Variants in DSTN observed in about 807,000 individuals in gnomAD.
The protein encoded by DSTN is destrin, actin depolymerizing factor, also known as destrin.
A neutral mutation model predicts 16.8 loss-of-function variants in DSTN; 10 were observed. That is an observed-to-expected ratio of 0.60 (90% CI 0.37 to 1.01). DSTN has a LOEUF of 1.01. Ranked by LOEUF, DSTN falls within the 50% of genes least tolerant of loss-of-function variation. DSTN has a pLI of 0.01. For missense variants in DSTN, 141 were observed against 196.7 expected (o/e 0.72, Z 1.69); for synonymous variants, 57 against 58.9 (o/e 0.97, Z 0.14).
chr20:17,572,165 CA>C (rs1235762593), intron 1 of DSTN, among the ~76,000 whole-genome samples: 45 of 152,300 alleles, frequency 3.0e-4, no homozygotes, highest in Non-Finnish European at 5.9e-5. Context: ...TCTAAATTAG[CA>C]GAATCACTTC....
At chr20:17,577,084 C>T (rs186174134) in intron 1 of DSTN, among the ~76,000 whole-genome samples, 2 of 152,132 alleles carry the variant, frequency 1.3e-5, no homozygotes, top group African/African-American at 2.4e-5. Flanking sequence ...AATTTTCAGG[C>T]TATGGGTATA....
intron 1 of DSTN, among the ~76,000 whole-genome samples, chr20:17,581,958 A>G (rs1383551142): frequency 6.6e-6 from 1 of 152,070 alleles, no homozygotes; most frequent in African/African-American, 2.4e-5. Context: ...CATTTAATAT[A>G]TATTCTCATT....
At chr20:17,601,100 G>A (rs2035582742) in intron 2 of DSTN, 55 bp downstream of exon 2, 3 of 1,517,780 alleles carry the variant, frequency 2.0e-6, no homozygotes, top group Non-Finnish European at 2.6e-6. Context: ...TAGCACTCGG[G>A]AAGACCAGTT....
Position 17,600,859 on chromosome 20 carries a change from C to G in DSTN, c.125C>G (p.Ala42Gly). The G allele has an allele frequency of 1.2e-6, 2 of 1,613,734 alleles. No individual in the cohort carries two copies. Among genetic ancestry groups the G allele is most frequent in the Non-Finnish European group, 1.7e-6 (2 of 1,179,792 alleles). The change falls in exon 2 of 4, where the codon GCA becomes GGA. Residue 42 changes from alanine to glycine, a missense_variant. Physicochemically the swap from Ala to Gly is moderately conservative, Grantham distance 60. Transcript: ENST00000246069. ...AAGGCTGTCATTTTTTGTCTCAGTG[C>G]AGACAAAAAGTGCATCATTGTAGAA... ...RKKAVIFCLS[A>G]DKKCIIVEEG...
intron 1 of DSTN, among the ~76,000 whole-genome samples, chr20:17,575,108 G>A (rs2035263858): frequency 6.6e-6 from 1 of 151,896 alleles, no homozygotes; most frequent in African/African-American, 2.4e-5. Flanking sequence ...GCCTCCCAAA[G>A]TGTTGGGATT....
At chr20:17,574,877 T>TTTTG (rs1180829302) in intron 1 of DSTN, among the ~76,000 whole-genome samples, 4 of 129,760 alleles carry the variant, frequency 3.1e-5, no homozygotes, top group Non-Finnish European at 6.5e-5. Context: ...TTTGTTTTTT[T>TTTTG]TTTTTTTTTT....
At chr20:17,577,759 C>T (rs1343768137) in intron 1 of DSTN, among the ~76,000 whole-genome samples, 2 of 151,882 alleles carry the variant, frequency 1.3e-5, no homozygotes, top group African/African-American at 4.8e-5. Flanking sequence ...TGTTTGAAAT[C>T]CAGTATATAT....
At chr20:17,605,954 A>G (rs987147097) in intron 3 of DSTN, among the ~76,000 whole-genome samples, 1 of 152,060 alleles carries the variant, frequency 6.6e-6, no homozygotes, top group East Asian at 1.9e-4. Context: ...AATACAAAAA[A>G]AAAATTAGCC....
chr20:17,574,829 C>CTTT (rs2035253100), intron 1 of DSTN, among the ~76,000 whole-genome samples: 1 of 133,998 alleles, frequency 7.5e-6, no homozygotes, highest in African/African-American at 2.8e-5. Flanking sequence ...CCTTTTTTTC[C>CTTT]TTTCTTTTTT....
intron 1 of DSTN, among the ~76,000 whole-genome samples, chr20:17,592,852 T>C (rs2035484651): frequency 6.6e-6 from 1 of 152,206 alleles, no homozygotes; most frequent in South Asian, 2.1e-4. Context: ...ACTTCCTCCT[T>C]AGTAATGCTG....
chr20:17,605,717 C>A (rs2122213154), intron 3 of DSTN, among the ~76,000 whole-genome samples: 1 of 152,292 alleles, frequency 6.6e-6, no homozygotes, highest in South Asian at 2.1e-4. Context: ...CCAGCCCAAC[C>A]AAAAGGTTCA....
chr20:17,594,878 G>A (rs916542440), intron 1 of DSTN, among the ~76,000 whole-genome samples: 1 of 152,144 alleles, frequency 6.6e-6, no homozygotes, highest in African/African-American at 2.4e-5. Flanking sequence ...GGTGGTGATA[G>A]CTACTGAGAA....
intron 1 of DSTN, among the ~76,000 whole-genome samples, chr20:17,570,703 A>G (rs2035192719): frequency 6.6e-6 from 1 of 152,194 alleles, no homozygotes; most frequent in Non-Finnish European, 1.5e-5. Context: ...CCATCTCAAT[A>G]AGGAAGATAA....
At chr20:17,589,541 G>C (rs960071058) in intron 1 of DSTN, among the ~76,000 whole-genome samples, 1 of 152,180 alleles carries the variant, frequency 6.6e-6, no homozygotes, top group Non-Finnish European at 1.5e-5. Context: ...GTGAGGCCCT[G>C]AACACTTCTG....
chr20:17,588,245 G>A (rs1278658069), intron 1 of DSTN, among the ~76,000 whole-genome samples: 1 of 152,142 alleles, frequency 6.6e-6, no homozygotes, highest in Non-Finnish European at 1.5e-5. Flanking sequence ...AGGTACTTTT[G>A]GTTTACAGAA....
At chr20:17,576,499 G>T in intron 1 of DSTN, 1 of 156,182 alleles carries the variant, frequency 6.4e-6, no homozygotes. Context: ...CAGCCAGATC[G>T]CCCTCACATC....
chr20:17,583,735 C>CTTTTTTTTTTTTTTT lies in DSTN; in HGVS notation c.3+13533_3+13547dup, dbSNP rs71192397. Among the ~76,000 whole-genome samples the CTTTTTTTTTTTTTTT allele has an allele frequency of 5.7e-4, 41 of 72,492 alleles. 13 individuals carry two copies. The highest frequency in any genetic ancestry group is 3.4e-3 in the East Asian group (7 of 2,058). The allele number at this position is 72,492 out of a possible 152,430, so 47.6% of individuals were successfully genotyped here. Reference sequence around the variant, plus strand: ...ATGACTGCTAATGGGTTTGGAGTTTCTTTTTTTTTTTTTTTTTTTTTTTGA... The same window carrying CTTTTTTTTTTTTTTT: ...ATGACTGCTAATGGGTTTGGAGTTTCTTTTTTTTTTTTTTTTTTTTTTTTTTTTTTTTTTTTTTGA... On this transcript the variant is annotated intron_variant, in intron 1 of 3. Coordinates refer to ENST00000246069, the MANE Select transcript of DSTN (RefSeq NM_006870.4).
rs976093674 is a variant in DSTN at position 17,609,002 on chromosome 20, G to T, written c.*1856G>T. 8 of 152,182 alleles carry T rather than the reference G, an allele frequency of 5.3e-5. No homozygotes were observed. Among genetic ancestry groups the T allele is most frequent in the Admixed American group, 2.0e-4 (3 of 15,272 alleles). 9.4% of individuals were successfully genotyped at this position (152,182 alleles called of 1,614,324 possible). A position where few individuals can be genotyped will look rare whatever the true frequency, so the allele number is the denominator to read the frequency against. ...TAGGAGTAATAGGCTCTACCATACA[G>T]CCTAGGTGTGTAGTAGGCTATGCCA... On this transcript the variant is annotated 3_prime_UTR_variant, in exon 4 of 4. Coordinates refer to ENST00000246069, the MANE Select transcript of DSTN (RefSeq NM_006870.4).
intron 1 of DSTN, among the ~76,000 whole-genome samples, chr20:17,591,673 C>T (rs1600707259): frequency 6.6e-6 from 1 of 152,190 alleles, no homozygotes; most frequent in Non-Finnish European, 1.5e-5. Flanking sequence ...TCTTTAAAAT[C>T]TGCAGGTGAT....
Sources: gnomAD v4.1 joint callset for allele counts (sites outside exome capture counted in the v4.1 genomes callset) on GRCh38, gnomAD v4.1.1 for gene constraint, MANE v1.5 for transcripts, NCBI Gene and HGNC (gene_info 2026-07-23, HGNC 2026-07-21) for gene names.